Variants in CNTNAP2 observed in about 807,000 individuals in gnomAD.
CNTNAP2 encodes contactin associated protein 2.
CNTNAP2 carries 98 observed loss-of-function variants against 155.2 expected under a neutral mutation model. That is an observed-to-expected ratio of 0.63 (90% CI 0.54 to 0.75). The LOEUF (loss-of-function observed/expected upper bound fraction) is 0.75. Ranked by LOEUF, CNTNAP2 falls within the 30% of genes least tolerant of loss-of-function variation. The pLI is 0.00. For synonymous variants in CNTNAP2, 651 were observed against 631.2 expected (o/e 1.03, Z -0.47); for missense variants, 1,727 against 1,688.1 (o/e 1.02, Z -0.40).
At chr7:147,465,019 A>T (rs1418860688) in intron 10 of CNTNAP2, among the ~76,000 whole-genome samples, 1 of 152,236 alleles carries the variant, frequency 6.6e-6, no homozygotes, top group African/African-American at 2.4e-5. Flanking sequence ...ACATGGATGC[A>T]GCTGGAAGGT....
At chr7:147,477,833 G>A (rs2116621841) in intron 10 of CNTNAP2, among the ~76,000 whole-genome samples, 1 of 152,198 alleles carries the variant, frequency 6.6e-6, no homozygotes, top group East Asian at 1.9e-4. Context: ...TAATCAAATG[G>A]CAGAGTTTAC....
intron 13 of CNTNAP2, among the ~76,000 whole-genome samples, chr7:147,746,112 A>T (rs1450601462): frequency 6.6e-6 from 1 of 152,214 alleles, no homozygotes; most frequent in Non-Finnish European, 1.5e-5. Flanking sequence ...TATCTTGCAC[A>T]TTTTACCTTT....
rs148984733 is a variant in CNTNAP2, at chr7:148,158,246, C to CAG, written c.2773+10540_2773+10541dup. Among the ~76,000 whole-genome samples the CAG allele has an allele frequency of 0.03, 1,063 of 35,586 alleles. 28 individuals carry two copies. The African/African-American group carries it at 0.32, about 11-fold the overall frequency. The allele number at this position is 35,586 out of a possible 152,430, so 23.3% of individuals were successfully genotyped here. A position where few individuals can be genotyped will look rare whatever the true frequency, so the allele number is the denominator to read the frequency against. On this transcript the variant is annotated intron_variant, in intron 17 of 23. Transcript: ENST00000361727. ...GCTTTTTTTTTTTTTTTTTTTGAGA[C>CAG]AGAGTCTCCCTCTGTTACCAGGCTG...
In CNTNAP2 at chr7:147,718,110, G is replaced by A. The variant is rs1171434817; in HGVS notation, c.2098+78804G>A. On this transcript the variant is annotated intron_variant, in intron 13 of 23. Transcript: ENST00000361727. The stretch of plus-strand genomic sequence containing the variant: ...TAGTATCTGATGTATGAATGTTAAC[G>A]TCAGCATGATTAATTGTAATTAAAT... Among the ~76,000 whole-genome samples the A allele has an allele frequency of 3.3e-5, 5 of 151,968 alleles. No individual in the cohort carries two copies. In the East Asian group the frequency reaches 5.8e-4, roughly 18 times the overall value.
chr7:146,209,192 C>T (rs1422132025), intron 1 of CNTNAP2, among the ~76,000 whole-genome samples: 2 of 152,118 alleles, frequency 1.3e-5, no homozygotes, highest in Non-Finnish European at 2.9e-5. Flanking sequence ...GAAAAGACTT[C>T]AGCCTTCCAT....
At chr7:147,393,660 A>T (rs1796761012) in intron 9 of CNTNAP2, among the ~76,000 whole-genome samples, 1 of 152,052 alleles carries the variant, frequency 6.6e-6, no homozygotes, top group Admixed American at 6.6e-5. Context: ...TTTACCTAAT[A>T]TCAGCATTTT....
intron 21 of CNTNAP2, among the ~76,000 whole-genome samples, chr7:148,343,582 A>G (rs903023521): frequency 1.3e-5 from 2 of 152,254 alleles, no homozygotes; most frequent in African/African-American, 4.8e-5. Context: ...TCAGAATGCT[A>G]CAAACATTTG....
At chr7:148,165,321 C>T (rs935974589) in intron 17 of CNTNAP2, among the ~76,000 whole-genome samples, 2 of 152,124 alleles carry the variant, frequency 1.3e-5, no homozygotes, top group African/African-American at 4.8e-5. Context: ...TTTATGGCCT[C>T]ATTTAATGTT....
At chr7:148,409,074 G>C (rs1799767841) in intron 22 of CNTNAP2, among the ~76,000 whole-genome samples, 1 of 152,232 alleles carries the variant, frequency 6.6e-6, no homozygotes, top group Non-Finnish European at 1.5e-5. Flanking sequence ...CCAAATGTAA[G>C]AAACATATTC....
intron 1 of CNTNAP2, among the ~76,000 whole-genome samples, chr7:146,260,812 G>A (rs1274218878): frequency 6.6e-6 from 1 of 152,192 alleles, no homozygotes; most frequent in East Asian, 1.9e-4. Flanking sequence ...CCTGGAATTA[G>A]TTAATACTTT....
At chr7:147,412,500 C>T (rs1274421233) in intron 10 of CNTNAP2, among the ~76,000 whole-genome samples, 5 of 152,284 alleles carry the variant, frequency 3.3e-5, no homozygotes, top group East Asian at 1.9e-4. Context: ...ACATTCAAGA[C>T]TGTAATTACA....
chr7:146,896,600 T>G (rs1795882849), intron 3 of CNTNAP2, among the ~76,000 whole-genome samples: 1 of 152,106 alleles, frequency 6.6e-6, no homozygotes, highest in Non-Finnish European at 1.5e-5. Flanking sequence ...CAATATCAAA[T>G]ATTATGTTGG....
At chr7:147,090,316 T>C (rs1403125550) in intron 4 of CNTNAP2, among the ~76,000 whole-genome samples, 3 of 147,746 alleles carry the variant, frequency 2.0e-5, no homozygotes, top group Admixed American at 6.6e-5. Context: ...ATATAGAACA[T>C]ATAAGCGTGT....
chr7:148,324,254 C>T (rs1336876536), intron 21 of CNTNAP2, among the ~76,000 whole-genome samples: 1 of 152,122 alleles, frequency 6.6e-6, no homozygotes, highest in African/African-American at 2.4e-5. Context: ...CAAGAACCCA[C>T]AAAGTGGCAG....
intron 13 of CNTNAP2, among the ~76,000 whole-genome samples, chr7:147,749,301 T>C (rs549453209): frequency 2.4e-4 from 37 of 152,326 alleles, no homozygotes; most frequent in African/African-American, 7.7e-4. Flanking sequence ...TTACAAAAGT[T>C]TTAATGGCTA....
At chr7:147,990,985 C>T (rs1801702530) in intron 15 of CNTNAP2, among the ~76,000 whole-genome samples, 1 of 152,124 alleles carries the variant, frequency 6.6e-6, no homozygotes, top group Admixed American at 6.6e-5. Flanking sequence ...CACCCAGCCC[C>T]CATCCTGAAA....
chr7:148,391,750 C>G (rs1432421768), intron 22 of CNTNAP2, among the ~76,000 whole-genome samples: 1 of 152,144 alleles, frequency 6.6e-6, no homozygotes, highest in Non-Finnish European at 1.5e-5. Context: ...GATTTGCCAG[C>G]AGGAAGACAG....
chr7:146,898,234 C>T (rs1203727599), intron 3 of CNTNAP2, among the ~76,000 whole-genome samples: 1 of 151,816 alleles, frequency 6.6e-6, no homozygotes, highest in Non-Finnish European at 1.5e-5. Context: ...TAGAAATTTA[C>T]AAATTAAAAA....
At chr7:146,305,203 C>T (rs532107973) in intron 1 of CNTNAP2, among the ~76,000 whole-genome samples, 20 of 152,060 alleles carry the variant, frequency 1.3e-4, no homozygotes, top group Admixed American at 3.9e-4. Context: ...AGCTTCTTTG[C>T]GATGGGTTCG....
Sources: gnomAD v4.1 joint callset for allele counts (sites outside exome capture counted in the v4.1 genomes callset) on GRCh38, gnomAD v4.1.1 for gene constraint, MANE v1.5 for transcripts, NCBI Gene and HGNC (gene_info 2026-07-23, HGNC 2026-07-21) for gene names.